Variants in SCAMP2 observed in about 807,000 individuals in gnomAD.
The protein encoded by SCAMP2 is secretory carrier-associated membrane protein 2.
Under a neutral mutation model 44.1 loss-of-function variants are expected in SCAMP2, and 25 were observed. That is an observed-to-expected ratio of 0.57 (90% confidence interval 0.41 to 0.79). SCAMP2 has a LOEUF of 0.79. Ranked by LOEUF, SCAMP2 falls within the 30% of genes least tolerant of loss-of-function variation. SCAMP2 has a pLI of 0.00. For missense variants in SCAMP2, 355 were observed against 411.0 expected (o/e 0.86, Z 1.18); for synonymous variants, 156 against 166.0 (o/e 0.94, Z 0.46).
rs762672051 is a variant in SCAMP2, at chr15:74,845,095, G to A, written c.978C>T (p.Phe326=). The A allele has an allele frequency of 1.9e-6, 3 of 1,613,688 alleles. No homozygotes were observed. The highest frequency in any genetic ancestry group is 8.5e-7 in the Non-Finnish European group (1 of 1,179,728). Residue 326 remains phenylalanine, a synonymous_variant, in exon 9 of 9, where the codon TTC becomes TTT. Coordinates refer to ENST00000268099, the MANE Select transcript of SCAMP2 (RefSeq NM_005697.5). ...RAASSAAQGA[F]QGN ...GAAGAGAGGAGGACTAATTCCCCTG[G>A]AAGGCTCCTTGGGCAGCAGATGAAG...
At chr15:74,860,247 T>A (rs2064494405) in intron 1 of SCAMP2, among the ~76,000 whole-genome samples, 1 of 152,110 alleles carries the variant, frequency 6.6e-6, no homozygotes, top group Non-Finnish European at 1.5e-5. Flanking sequence ...AAACCCCATG[T>A]CTATTAAAAA....
intron 1 of SCAMP2, among the ~76,000 whole-genome samples, chr15:74,859,965 TA>T (rs1359373611): frequency 2.6e-5 from 4 of 151,996 alleles, no homozygotes; most frequent in Non-Finnish European, 4.4e-5. Flanking sequence ...TCTCACGGAC[TA>T]AAAAAAATTC....
chr15:74,854,471 G>C, intron 2 of SCAMP2, 110 bp downstream of exon 2: 2 of 912,024 alleles, frequency 2.2e-6, no homozygotes, highest in Non-Finnish European at 3.6e-6. Flanking sequence ...TCCCTTTGAG[G>C]ACTGCCGCTT....
At chr15:74,871,913 T>C (rs1426937612) in intron 1 of SCAMP2, among the ~76,000 whole-genome samples, 2 of 143,888 alleles carry the variant, frequency 1.4e-5, no homozygotes, top group African/African-American at 5.2e-5. Context: ...GGTGTGGTGG[T>C]GCACACCTGT....
At chr15:74,851,997 C>A in intron 4 of SCAMP2, 72 bp downstream of exon 4, 1 of 1,016,444 alleles carries the variant, frequency 9.8e-7, no homozygotes, top group Non-Finnish European at 1.4e-6. Flanking sequence ...TGCTGGGAGG[C>A]CCTCCGCACA....
intron 1 of SCAMP2, among the ~76,000 whole-genome samples, chr15:74,863,267 C>A (rs1297220037): frequency 6.6e-6 from 1 of 151,834 alleles, no homozygotes; most frequent in East Asian, 1.9e-4. Context: ...ATCACTTGAA[C>A]CTGGGAGGCG....
intron 7 of SCAMP2, 69 bp from the exon 8 acceptor site, chr15:74,845,662 C>T: frequency 6.3e-7 from 1 of 1,586,504 alleles, no homozygotes; most frequent in Non-Finnish European, 8.6e-7. Context: ...ATAAGGGGCT[C>T]TTCTCCAAGT....
intron 1 of SCAMP2, among the ~76,000 whole-genome samples, chr15:74,856,047 C>G (rs1424103246): frequency 6.6e-6 from 1 of 152,052 alleles, no homozygotes; most frequent in African/African-American, 2.4e-5. Flanking sequence ...ACACCCTCCC[C>G]TTCCTAGTAA....
At chr15:74,856,950 C>T (rs1184447161) in intron 1 of SCAMP2, among the ~76,000 whole-genome samples, 1 of 152,166 alleles carries the variant, frequency 6.6e-6, no homozygotes, top group Admixed American at 6.6e-5. Context: ...AGAGTGACCC[C>T]CTCAGTTTAC....
At chr15:74,846,459 A>G (rs1417139554) in intron 7 of SCAMP2, among the ~76,000 whole-genome samples, 3 of 106,568 alleles carry the variant, frequency 2.8e-5, no homozygotes, top group Non-Finnish European at 7.5e-5. Flanking sequence ...AAAAAAAAAA[A>G]AAAGAAAAGA....
At chr15:74,863,195 A>G (rs1369771509) in intron 1 of SCAMP2, among the ~76,000 whole-genome samples, 1 of 151,744 alleles carries the variant, frequency 6.6e-6, no homozygotes, top group East Asian at 2.0e-4. Flanking sequence ...AAATACAAAA[A>G]TTAGCCGGGT....
chr15:74,863,429 T>A (rs1037313647), intron 1 of SCAMP2, among the ~76,000 whole-genome samples: 1 of 150,732 alleles, frequency 6.6e-6, no homozygotes, highest in African/African-American at 2.4e-5. Flanking sequence ...GAGAACTGCC[T>A]GAGCCCAGGA....
intron 1 of SCAMP2, 132 bp downstream of exon 1, chr15:74,873,067 A>G: frequency 2.5e-6 from 2 of 786,498 alleles, no homozygotes. Flanking sequence ...GCCAGACCTC[A>G]AAGCCCGCTC....
At chr15:74,867,452 G>A (rs997228591) in intron 1 of SCAMP2, among the ~76,000 whole-genome samples, 4 of 152,164 alleles carry the variant, frequency 2.6e-5, no homozygotes, top group Non-Finnish European at 5.9e-5. Flanking sequence ...AACCATAAAG[G>A]CAGGAATCCT....
At chr15:74,864,343 G>C (rs779160352) in intron 1 of SCAMP2, among the ~76,000 whole-genome samples, 2 of 152,174 alleles carry the variant, frequency 1.3e-5, no homozygotes, top group Admixed American at 1.3e-4. Context: ...TTACAGGCTT[G>C]AGCCACCGCA....
intron 1 of SCAMP2, among the ~76,000 whole-genome samples, chr15:74,857,595 G>A (rs546663104): frequency 6.6e-6 from 1 of 152,316 alleles, no homozygotes; most frequent in East Asian, 1.9e-4. Context: ...TGGCCAAGGT[G>A]CACATGTTTA....
At chr15:74,864,341 T>G (rs150318290) in intron 1 of SCAMP2, among the ~76,000 whole-genome samples, 200 of 152,168 alleles carry the variant, frequency 1.3e-3, no homozygotes, top group African/African-American at 4.5e-3. Context: ...GATTACAGGC[T>G]TGAGCCACCG....
In SCAMP2 at chr15:74,845,406, G is replaced by C. The variant is rs551116869; in HGVS notation, c.855+67C>G. 2.5e-6 allele frequency: 4 copies of C among 1,611,338 alleles called. No homozygotes were observed. The African/African-American group carries it at 4.0e-5, about 16-fold the overall frequency. On this transcript the variant is annotated intron_variant, in intron 8 of 8. Coordinates refer to ENST00000268099, the MANE Select transcript of SCAMP2 (RefSeq NM_005697.5). ...CAACTGCAGTGGTGAAAAACATCTC[G>C]TGGCAAGGGCAGGAAACGGTTGCCT...
chr15:74,871,331 C>A (rs2064573513), intron 1 of SCAMP2, among the ~76,000 whole-genome samples: 1 of 152,030 alleles, frequency 6.6e-6, no homozygotes, highest in Non-Finnish European at 1.5e-5. Flanking sequence ...GTGGCACATT[C>A]TTGTAGTCCC....
Sources: allele counts gnomAD v4.1 joint callset (sites outside exome capture counted in the v4.1 genomes callset), GRCh38; gene constraint gnomAD v4.1.1; transcripts MANE v1.5; gene names NCBI Gene and HGNC (gene_info 2026-07-23, HGNC 2026-07-21).